ADAMTSL3: variants seen among roughly 807,000 people sequenced by gnomAD.
ADAMTSL3 encodes ADAMTS like 3, also known as ADAMTS-like protein 3.
In ADAMTSL3, 128 loss-of-function variants were observed where a neutral mutation model predicts 201.7. The ratio of observed to expected loss-of-function variants is 0.63; its 90% confidence interval spans 0.55 to 0.73. The LOEUF is 0.73. Ranked by LOEUF, ADAMTSL3 falls within the 30% of genes least tolerant of loss-of-function variation. ADAMTSL3 has a pLI of 0.00. For missense variants in ADAMTSL3, 1,990 were observed against 2,119.6 expected, an observed-to-expected ratio of 0.94 and a Z score of 1.20; for synonymous variants, 738 against 748.4, an observed-to-expected ratio of 0.99 and a Z score of 0.23.
chr15:84,031,169 G>T (rs1354804928), intron 27 of ADAMTSL3, among the ~76,000 whole-genome samples, 166 bp from the exon 28 acceptor site: 1 of 152,124 alleles, frequency 6.6e-6, no homozygotes, highest in East Asian at 1.9e-4. Context: ...AGAGGTGTCT[G>T]GTCCACAGAG....
chr15:83,852,804 A>AT (rs1276090083), intron 7 of ADAMTSL3, among the ~76,000 whole-genome samples: 1 of 151,958 alleles, frequency 6.6e-6, no homozygotes, highest in Non-Finnish European at 1.5e-5. Flanking sequence ...TTCTCAAGGC[A>AT]TTTTTTTATA....
At chr15:83,695,252 G>A (rs866817449) in intron 2 of ADAMTSL3, among the ~76,000 whole-genome samples, 2 of 41,674 alleles carry the variant, frequency 4.8e-5, no homozygotes, top group Non-Finnish European at 5.5e-5. Flanking sequence ...GTGTGTGTGT[G>A]TGTGTGTGTG....
intron 19 of ADAMTSL3, among the ~76,000 whole-genome samples, chr15:83,960,858 A>G (rs2066955062): frequency 6.6e-6 from 1 of 152,190 alleles, no homozygotes; most frequent in African/African-American, 2.4e-5. Context: ...TATTCAAAGC[A>G]CCAGCATAAT....
At chr15:83,920,696 CT>C (rs1430117725) in intron 16 of ADAMTSL3, among the ~76,000 whole-genome samples, 2 of 152,198 alleles carry the variant, frequency 1.3e-5, no homozygotes, top group African/African-American at 2.4e-5. Flanking sequence ...CGTGCCCACA[CT>C]GTATGAAGCA....
chr15:83,923,978 G>A lies in ADAMTSL3; in HGVS notation c.2062G>A (p.Val688Ile). 6.2e-7 allele frequency: 1 copy of A among 1,614,080 alleles called. No homozygotes were observed. Among genetic ancestry groups the A allele is most frequent in the Non-Finnish European group, 8.5e-7 (1 of 1,179,988 alleles). ...AGTCAATGACAGCTTGTGTGATATG[G>A]TCCACCGTCCTCCAGCCATGAGCCA... ...QTVNDSLCDM[V>I]HRPPAMSQAC... The change falls in exon 17 of 30, where the codon GTC (valine) becomes ATC (isoleucine). Residue 688 changes from valine (V) to isoleucine (I), a missense_variant. Transcript: ENST00000286744.
intron 4 of ADAMTSL3, among the ~76,000 whole-genome samples, chr15:83,791,895 A>G (rs2063351451): frequency 6.6e-6 from 1 of 152,014 alleles, no homozygotes; most frequent in Non-Finnish European, 1.5e-5. Flanking sequence ...AACTAAAAAT[A>G]GATTAAAAAT....
chr15:83,937,370 G>A (rs558238044), intron 17 of ADAMTSL3, among the ~76,000 whole-genome samples: 69 of 150,978 alleles, frequency 4.6e-4, no homozygotes, highest in South Asian at 4.1e-3. Flanking sequence ...AACATGAATG[G>A]AACTAGAGAT....
At chr15:83,789,646 G>C (rs1424506975) in intron 4 of ADAMTSL3, among the ~76,000 whole-genome samples, 1 of 152,014 alleles carries the variant, frequency 6.6e-6, no homozygotes, top group East Asian at 1.9e-4. Flanking sequence ...CAATATTTTA[G>C]GAACCAAGTG....
intron 6 of ADAMTSL3, among the ~76,000 whole-genome samples, chr15:83,829,663 T>G (rs1343697358): frequency 6.6e-6 from 1 of 152,240 alleles, no homozygotes; most frequent in South Asian, 2.1e-4. Context: ...TGTGGGCATT[T>G]AGTGCTATAA....
rs150302467 is a variant in ADAMTSL3 at position 83,670,377 on chromosome 15, A to G, written c.69+14547A>G. ...ATAATCCTAACTCTAACCCTAGACC[A>G]AAGTCTGTAGCAGTAGAAATCCAGA... On this transcript the variant is annotated intron_variant, in intron 2 of 29. Transcript: ENST00000286744. Among the ~76,000 whole-genome samples, 4 of 152,198 alleles carry G rather than the reference A, an allele frequency of 2.6e-5. No homozygotes were observed. In the East Asian group the frequency reaches 7.7e-4, roughly 29 times the overall value.
chr15:83,672,728 G>T (rs955907849), intron 2 of ADAMTSL3, among the ~76,000 whole-genome samples: 1 of 152,180 alleles, frequency 6.6e-6, no homozygotes, highest in Non-Finnish European at 1.5e-5. Flanking sequence ...GCAGAGCCTC[G>T]TTTCCAAAGA....
chr15:84,022,623 G>T (rs984022787), intron 26 of ADAMTSL3, among the ~76,000 whole-genome samples: 1 of 152,166 alleles, frequency 6.6e-6, no homozygotes, highest in Non-Finnish European at 1.5e-5. Context: ...CCAGCACTGG[G>T]GTTGTGACTA....
chr15:83,891,230 A>C, intron 11 of ADAMTSL3, 99 bp from the exon 12 acceptor site: 67 of 1,020,620 alleles, frequency 6.6e-5, no homozygotes, highest in Non-Finnish European at 9.0e-5. Flanking sequence ...CCAATTTGGA[A>C]GAGCTCTGTC....
intron 3 of ADAMTSL3, among the ~76,000 whole-genome samples, chr15:83,765,222 C>T (rs564376582): frequency 3.3e-5 from 5 of 152,246 alleles, no homozygotes; most frequent in South Asian, 2.1e-4. Flanking sequence ...ATTTTTATGC[C>T]GTTCACCCAA....
intron 9 of ADAMTSL3, among the ~76,000 whole-genome samples, chr15:83,881,876 G>A (rs12904215): frequency 0.14 from 21,004 of 147,224 alleles, 1,880 homozygotes; most frequent in Middle Eastern, 0.38. Flanking sequence ...AAAAAAGGCC[G>A]GGCGCGATGG....
chr15:83,986,977 T>A (rs1215766662), intron 21 of ADAMTSL3, among the ~76,000 whole-genome samples: 1 of 152,234 alleles, frequency 6.6e-6, no homozygotes, highest in African/African-American at 2.4e-5. Context: ...TCATGTAAGG[T>A]TCACGCATGC....
chr15:83,980,753 G>T (rs1256800568), intron 20 of ADAMTSL3, among the ~76,000 whole-genome samples: 1 of 152,162 alleles, frequency 6.6e-6, no homozygotes, highest in Admixed American at 6.5e-5. Context: ...CTCTACCACA[G>T]AAATTATGGG....
rs529283187 is a variant in ADAMTSL3, at chr15:83,873,375, T to A, written c.960+2416T>A. On this transcript the variant is annotated intron_variant, in intron 9 of 29. Coordinates refer to ENST00000286744, the MANE Select transcript of ADAMTSL3 (RefSeq NM_207517.3). The stretch of plus-strand genomic sequence containing the variant: ...AATGAATTCTTTTGAAGTGGCCAAG[T>A]CAAGTAGTTGAATTTGAATTCATTT... Among the ~76,000 whole-genome samples, 37 of 145,516 alleles carry A rather than the reference T, an allele frequency of 2.5e-4. 3 individuals carry two copies. The South Asian group carries it at 4.9e-3, about 19-fold the overall frequency.
At chr15:83,774,304 A>T (rs2063035710) in intron 4 of ADAMTSL3, among the ~76,000 whole-genome samples, 1 of 152,254 alleles carries the variant, frequency 6.6e-6, no homozygotes, top group African/African-American at 2.4e-5. Flanking sequence ...TATGTCAGTC[A>T]TCTTCAGATT....
Sources: allele counts gnomAD v4.1 joint callset (sites outside exome capture counted in the v4.1 genomes callset), GRCh38; gene constraint gnomAD v4.1.1; transcripts MANE v1.5; gene names NCBI Gene and HGNC (gene_info 2026-07-23, HGNC 2026-07-21).